Variants in MYO3A observed in about 807,000 individuals in gnomAD.
MYO3A encodes myosin-IIIa.
A neutral mutation model predicts 192.7 loss-of-function variants in MYO3A; 180 were observed. That is an observed-to-expected ratio of 0.93 (90% confidence interval 0.83 to 1.06). The LOEUF is 1.06. Among genes scored for constraint, MYO3A ranks in the 50% least tolerant of loss-of-function variants. MYO3A has a pLI of 0.00. For missense variants in MYO3A, 1,896 were observed against 1,905.0 expected, an observed-to-expected ratio of 1.00 and a Z score of 0.09; for synonymous variants, 628 against 645.3, an observed-to-expected ratio of 0.97 and a Z score of 0.41.
At chr10:26,123,464 G>T (rs1838998098) in intron 18 of MYO3A, among the ~76,000 whole-genome samples, 1 of 152,116 alleles carries the variant, frequency 6.6e-6, no homozygotes, top group Non-Finnish European at 1.5e-5. Flanking sequence ...GCTTCACTAG[G>T]AATCAATTAC....
At chr10:26,165,592 T>A (rs1373871081) in intron 26 of MYO3A, among the ~76,000 whole-genome samples, 3 of 152,178 alleles carry the variant, frequency 2.0e-5, no homozygotes, top group African/African-American at 7.2e-5. Context: ...AAAACAATGA[T>A]GGAAGGCATG....
At chr10:25,988,618 A>G (rs1026996430) in intron 4 of MYO3A, among the ~76,000 whole-genome samples, 5 of 152,324 alleles carry the variant, frequency 3.3e-5, no homozygotes, top group Non-Finnish European at 7.3e-5. Flanking sequence ...TTATATTCAC[A>G]TCAAAATCTG....
chr10:26,149,723 A>G (rs958146845), intron 23 of MYO3A, among the ~76,000 whole-genome samples: 1 of 152,220 alleles, frequency 6.6e-6, no homozygotes, highest in Non-Finnish European at 1.5e-5. Flanking sequence ...TAATTAACAT[A>G]TACATTACTG....
chr10:26,016,315 G>A (rs1841982420), intron 6 of MYO3A, among the ~76,000 whole-genome samples: 1 of 152,176 alleles, frequency 6.6e-6, no homozygotes, highest in South Asian at 2.1e-4. Flanking sequence ...CAGATAAGGT[G>A]TGATTTGCCC....
intron 4 of MYO3A, among the ~76,000 whole-genome samples, chr10:25,970,460 G>C (rs1429862773): frequency 6.6e-6 from 1 of 151,856 alleles, no homozygotes; most frequent in Non-Finnish European, 1.5e-5. Context: ...AAGGGCATTT[G>C]CACCTCCCTG....
intron 20 of MYO3A, among the ~76,000 whole-genome samples, chr10:26,142,394 T>A (rs1024431967): frequency 1.3e-5 from 2 of 152,218 alleles, no homozygotes; most frequent in Non-Finnish European, 2.9e-5. Flanking sequence ...GGCAGAGTCA[T>A]AGAAGCCAAC....
chr10:26,107,522 T>C (rs1837893881), intron 17 of MYO3A, among the ~76,000 whole-genome samples: 1 of 151,434 alleles, frequency 6.6e-6, no homozygotes, highest in South Asian at 2.1e-4. Flanking sequence ...AACTCAACTG[T>C]GTCTGACCCT....
chr10:26,100,200 G>T (rs962616571), intron 17 of MYO3A, among the ~76,000 whole-genome samples: 1 of 152,154 alleles, frequency 6.6e-6, no homozygotes, highest in Non-Finnish European at 1.5e-5. Flanking sequence ...TTGCCTAGAG[G>T]TGTTTATATT....
chr10:26,205,761 C>T (rs1455822868), intron 34 of MYO3A, among the ~76,000 whole-genome samples: 1 of 151,210 alleles, frequency 6.6e-6, no homozygotes, highest in Non-Finnish European at 1.5e-5. Context: ...GGACTACAGG[C>T]ACCCGCCATC....
intron 20 of MYO3A, among the ~76,000 whole-genome samples, chr10:26,130,856 G>T (rs925298956): frequency 6.6e-6 from 1 of 152,184 alleles, no homozygotes; most frequent in African/African-American, 2.4e-5. Flanking sequence ...CTAACTAATT[G>T]TATGTAGCTA....
chr10:26,154,700 A>G lies in MYO3A; in HGVS notation c.2716-46A>G. On this transcript the variant is annotated intron_variant, in intron 24 of 34. Coordinates refer to ENST00000642920, the MANE Select transcript of MYO3A (RefSeq NM_017433.5). The stretch of plus-strand genomic sequence containing the variant: ...GCCACATGCTGTCTGTAGATAATAA[A>G]GTACAATAGATACCAAGGCATCACT... 1.9e-6 allele frequency: 3 copies of G among 1,552,800 alleles called. No homozygotes were observed. The South Asian group carries it at 3.4e-5, about 17-fold the overall frequency.
chr10:25,958,578 T>C (rs1837716761), intron 4 of MYO3A, among the ~76,000 whole-genome samples: 1 of 152,212 alleles, frequency 6.6e-6, no homozygotes, highest in Non-Finnish European at 1.5e-5. Flanking sequence ...TTCAGGTTCC[T>C]TTTTGGTTCC....
chr10:26,114,561 CAAA>C (rs1838391011), intron 17 of MYO3A, among the ~76,000 whole-genome samples: 2 of 150,296 alleles, frequency 1.3e-5, no homozygotes, highest in South Asian at 4.4e-4. Context: ...AGTTTGACGT[CAAA>C]AGAAGAGGAC....
rs137861022 is a variant in MYO3A at position 26,206,272 on chromosome 10, G to A, written c.4730+3165G>A. 4.0e-5 allele frequency among the ~76,000 whole-genome samples: 6 copies of A among 150,826 alleles called. No homozygotes were observed. The East Asian group carries it at 6.0e-4, about 15-fold the overall frequency. On this transcript the variant is annotated intron_variant, in intron 34 of 34. Transcript: ENST00000642920. ...GACGGGGTTTCACCATGTTGGCCAGGCTGGTCTTGAACTTCTGGCCTCAAG... is the reference window on the plus strand; with the variant it reads ...GACGGGGTTTCACCATGTTGGCCAGACTGGTCTTGAACTTCTGGCCTCAAG...
chr10:26,072,771 G>A (rs1296018719), intron 14 of MYO3A, among the ~76,000 whole-genome samples: 5 of 152,032 alleles, frequency 3.3e-5, no homozygotes, highest in Non-Finnish European at 5.9e-5. Context: ...TTTCTGGTGA[G>A]AATGCAAAGT....
chr10:26,150,225 G>A (rs1840720366), intron 23 of MYO3A, among the ~76,000 whole-genome samples: 1 of 152,060 alleles, frequency 6.6e-6, no homozygotes, highest in African/African-American at 2.4e-5. Context: ...TTTATATATT[G>A]CTGAATTCAG....
chr10:25,955,874 G>A (rs920908733), intron 4 of MYO3A, among the ~76,000 whole-genome samples: 1 of 152,008 alleles, frequency 6.6e-6, no homozygotes, highest in African/African-American at 2.4e-5. Context: ...TCCTGAAGTG[G>A]CATTGTCTTA....
intron 10 of MYO3A, among the ~76,000 whole-genome samples, chr10:26,063,743 T>A (rs1482309277): frequency 6.6e-6 from 1 of 152,128 alleles, no homozygotes; most frequent in African/African-American, 2.4e-5. Context: ...CAGATTGGGC[T>A]GAGGAGGAAA....
intron 17 of MYO3A, among the ~76,000 whole-genome samples, chr10:26,098,629 T>C (rs1393367715): frequency 6.6e-6 from 1 of 152,258 alleles, no homozygotes; most frequent in Non-Finnish European, 1.5e-5. Flanking sequence ...TTTCTACATA[T>C]GGCTAGCCAA....
Sources: gnomAD v4.1 joint callset for allele counts (sites outside exome capture counted in the v4.1 genomes callset) on GRCh38, gnomAD v4.1.1 for gene constraint, MANE v1.5 for transcripts, NCBI Gene and HGNC (gene_info 2026-07-23, HGNC 2026-07-21) for gene names.